Variants in ANK2 observed in about 807,000 individuals in gnomAD.
ANK2 encodes the protein ankyrin-2.
ANK2 carries 83 observed loss-of-function variants against 360.5 expected under a neutral mutation model. The observed-to-expected ratio is 0.23, with a 90% CI of 0.19 to 0.28. The LOEUF (loss-of-function observed/expected upper bound fraction) is 0.28, where lower values mean the gene tolerates loss of function less well. Among genes scored for constraint, ANK2 ranks in the 10% least tolerant of loss-of-function variants. The pLI, the probability that ANK2 is intolerant of heterozygous loss-of-function variation, is 1.00. For missense variants in ANK2, 4,201 were observed against 4,795.7 expected (o/e 0.88, Z 3.66); for synonymous variants, 1,740 against 1,759.5 (o/e 0.99, Z 0.28).
chr4:113,278,514 C>A lies in ANK2; in HGVS notation c.1837C>A (p.Leu613Met), dbSNP rs780091077. 8.1e-6 allele frequency: 13 copies of A among 1,614,020 alleles called. No individual in the cohort carries two copies. In the South Asian group the frequency reaches 1.1e-4, roughly 14 times the overall value. Residue 613 changes from leucine to methionine, a missense_variant, in exon 17 of 46, where the codon CTG (leucine) becomes ATG (methionine). Around this residue, in one of 4 missense-constraint regions of ANK2, gnomAD observed 1,268 missense variants for 1,650.8 expected, o/e 0.77. Transcript: ENST00000357077. ...AAHYDNQKVA[L>M]LLLEKGASPH... is the part of the protein sequence containing the mutation. The stretch of plus-strand genomic sequence containing the variant: ...TCATTATGACAACCAGAAGGTGGCG[C>A]TGCTGTTACTGGAGAAGGGTGCTTC...
chr4:112,844,797 A>C (rs1040554609), intron 1 of ANK2, among the ~76,000 whole-genome samples: 2 of 152,224 alleles, frequency 1.3e-5, no homozygotes, highest in African/African-American at 4.8e-5. Context: ...TGAAGAAAGC[A>C]ATTGGTTATT....
chr4:112,866,634 G>C (rs1010010527), intron 1 of ANK2, among the ~76,000 whole-genome samples: 1 of 151,952 alleles, frequency 6.6e-6, no homozygotes, highest in African/African-American at 2.4e-5. Context: ...GAAATGAAAA[G>C]TTAATTAATC....
Position 113,355,102 on chromosome 4 carries a change from G to A in ANK2, c.6484G>A (p.Ala2162Thr). Residue 2162 changes from alanine to threonine, a missense_variant, in exon 38 of 46, where the codon GCA (alanine) becomes ACA (threonine). Coordinates refer to ENST00000357077, the MANE Select transcript of ANK2 (RefSeq NM_001148.6). ...QFRLSEETEK[A>T]QLHLDQVLTS... ...CCGCCTGAGTGAGGAGACAGAAAAG[G>A]CACAGCTTCACTTAGACCAAGTACT... is the stretch of plus-strand genomic sequence containing the variant. 1.2e-6 allele frequency: 2 copies of A among 1,614,056 alleles called. No homozygotes were observed. Among genetic ancestry groups the A allele is most frequent in the South Asian group, 1.1e-5 (1 of 91,084 alleles).
chr4:113,383,609 C>T lies in ANK2; in HGVS notation c.*2138C>T, dbSNP rs1246720138. ...CAGCATCTTGTTCCCATGGTGATAA[C>T]ACTAATTGAATATATCTATGAGGGC... On this transcript the variant is annotated 3_prime_UTR_variant, in exon 46 of 46. Coordinates refer to ENST00000357077, the MANE Select transcript of ANK2 (RefSeq NM_001148.6). 1 of 152,250 alleles carries T rather than the reference C, an allele frequency of 6.6e-6. No individual in the cohort carries two copies. The highest frequency in any genetic ancestry group is 1.5e-5 in the Non-Finnish European group (1 of 67,988). 9.4% of individuals were successfully genotyped at this position (152,250 alleles called of 1,614,324 possible).
chr4:112,753,584 C>G, the ANK2 span, among the ~76,000 whole-genome samples: 3 of 152,076 alleles, frequency 2.0e-5, no homozygotes, highest in Non-Finnish European at 4.4e-5. Context: ...GCACAAGATA[C>G]GGGTCATAAA....
At chr4:113,258,282 G>A (rs764860498) in intron 12 of ANK2, 31 bp from the exon 13 acceptor site, 4 of 1,607,538 alleles carry the variant, frequency 2.5e-6, no homozygotes, top group South Asian at 1.1e-5. Context: ...CCGGTGCAGA[G>A]GAGTAAAACT....
the ANK2 span, among the ~76,000 whole-genome samples, chr4:112,732,772 A>C: frequency 6.6e-6 from 1 of 152,180 alleles, no homozygotes; most frequent in Non-Finnish European, 1.5e-5. Flanking sequence ...GCATGAATCT[A>C]TGCTTCTAAA....
chr4:113,220,361 G>A (rs1488491585), intron 4 of ANK2, among the ~76,000 whole-genome samples: 1 of 152,124 alleles, frequency 6.6e-6, no homozygotes, highest in East Asian at 1.9e-4. Flanking sequence ...AATTATATGG[G>A]GAAACATAGG....
intron 2 of ANK2, among the ~76,000 whole-genome samples, chr4:112,991,596 T>C (rs75552460): frequency 2.8e-3 from 414 of 148,830 alleles, no homozygotes; most frequent in African/African-American, 9.7e-3. Flanking sequence ...CAAGCTTTTT[T>C]TTTTCTTTTC....
chr4:113,229,600 G>A (rs1308911866), intron 4 of ANK2, among the ~76,000 whole-genome samples: 1 of 152,186 alleles, frequency 6.6e-6, no homozygotes, highest in Non-Finnish European at 1.5e-5. Context: ...CACTTGAGAG[G>A]ATGAACCCAA....
upstream of ANK2, among the ~76,000 whole-genome samples, chr4:112,813,957 A>T (rs189344129): frequency 6.6e-6 from 1 of 152,160 alleles, no homozygotes; most frequent in African/African-American, 2.4e-5. Context: ...TCTTCTGTTC[A>T]TTTGCTCTGC....
the ANK2 span, among the ~76,000 whole-genome samples, chr4:112,725,517 T>C: frequency 2.0e-5 from 3 of 151,494 alleles, no homozygotes; most frequent in Admixed American, 6.6e-5. Flanking sequence ...CGAGTCACCA[T>C]GCCCGGCTGT....
intron 1 of ANK2, among the ~76,000 whole-genome samples, chr4:113,142,296 G>C (rs1392961591): frequency 6.6e-6 from 1 of 152,150 alleles, no homozygotes; most frequent in African/African-American, 2.4e-5. Flanking sequence ...GCCACCCTTG[G>C]TTAACCACTG....
At chr4:112,785,441 T>G in the ANK2 span, among the ~76,000 whole-genome samples, 1 of 150,688 alleles carries the variant, frequency 6.6e-6, no homozygotes, top group South Asian at 2.1e-4. Context: ...TAGCATGATC[T>G]CGGCTGACTG....
chr4:112,797,140 A>T, the ANK2 span: 928 of 190,682 alleles, frequency 4.9e-3, 4 homozygotes, highest in African/African-American at 0.02. Context: ...GCTAAGGGCA[A>T]TTTTTTTCTC....
At chr4:113,079,677 T>C (rs1473679032) in intron 1 of ANK2, among the ~76,000 whole-genome samples, 1 of 152,180 alleles carries the variant, frequency 6.6e-6, no homozygotes, top group Non-Finnish European at 1.5e-5. Flanking sequence ...GCCTTTCTTC[T>C]CATTTATCTG....
chr4:113,045,761 C>T (rs898422596), upstream of ANK2, among the ~76,000 whole-genome samples: 2 of 152,130 alleles, frequency 1.3e-5, no homozygotes, highest in African/African-American at 4.8e-5. Flanking sequence ...CAGCAACTCC[C>T]TTTTCTCAAA....
intron 2 of ANK2, among the ~76,000 whole-genome samples, chr4:112,987,606 C>G (rs2045370897): frequency 6.6e-6 from 1 of 152,110 alleles, no homozygotes; most frequent in Non-Finnish European, 1.5e-5. Flanking sequence ...GAAGGTCATA[C>G]CCACCAACAG....
chr4:112,987,055 A>C (rs1288240911), intron 2 of ANK2, among the ~76,000 whole-genome samples: 1 of 152,248 alleles, frequency 6.6e-6, no homozygotes, highest in African/African-American at 2.4e-5. Context: ...AAAAAATTTC[A>C]TAATGTTTTA....
Sources: gnomAD v4.1 joint callset for allele counts (sites outside exome capture counted in the v4.1 genomes callset) on GRCh38, gnomAD v4.1.1 for gene constraint, gnomAD v4.1.1 regional missense constraint, MANE v1.5 for transcripts, NCBI Gene and HGNC (gene_info 2026-07-23, HGNC 2026-07-21) for gene names.